MYZAP: variants seen among roughly 807,000 people sequenced by gnomAD.
MYZAP encodes the protein myocardial zonula adherens protein.
Under a neutral mutation model 69.4 loss-of-function variants are expected in MYZAP, and 66 were observed. The ratio of observed to expected loss-of-function variants is 0.95; its 90% CI spans 0.78 to 1.17. The LOEUF is 1.17. Ranked by LOEUF, MYZAP falls within the 50% of genes most tolerant of loss-of-function variation. The probability of loss-of-function intolerance (pLI) is 0.00; values close to 1 mark genes in which losing one functional copy is unlikely to be tolerated. For synonymous variants in MYZAP, 256 were observed against 205.9 expected (o/e 1.24, Z -2.09); for missense variants, 611 against 556.2 (o/e 1.10, Z -0.99).
In MYZAP at chr15:57,633,783, T is replaced by G. The variant is rs140373684; in HGVS notation, c.933+42T>G. The G allele has an allele frequency of 1.5e-3, 2,216 of 1,475,740 alleles. 22 individuals are homozygous for G. In the African/African-American group the frequency reaches 0.027, roughly 18 times the overall value. 91.4% of individuals were successfully genotyped at this position (1,475,740 alleles called of 1,614,324 possible). On this transcript the variant is annotated intron_variant, in intron 8 of 12. Transcript: ENST00000267853. Reference sequence around the variant, plus strand: ...GGCCTATTGCCCACTTGCCCAAACTTTTCCCTGTAGGTCCATCTGAGATAC... The same window carrying G: ...GGCCTATTGCCCACTTGCCCAAACTGTTCCCTGTAGGTCCATCTGAGATAC...
In MYZAP at chr15:57,633,678, C is replaced by G; in HGVS notation, c.870C>G (p.Ile290Met). ...EANKKMQAAE[I>M]SLEEKDQRIG... The stretch of plus-strand genomic sequence containing the variant: ...ATAAAAAGATGCAAGCAGCAGAGAT[C>G]AGCCTAGAGGAGAAAGACCAGAGGA... Residue 290 changes from isoleucine (I) to methionine (M), a missense_variant, in exon 8 of 13, where the codon ATC becomes ATG. Transcript: ENST00000267853. 6.2e-7 allele frequency: 1 copy of G among 1,613,358 alleles called. No individual in the cohort carries two copies. The highest frequency in any genetic ancestry group is 8.5e-7 in the Non-Finnish European group (1 of 1,179,704).
intron 10 of MYZAP, chr15:57,646,316 AG>A: frequency 8.3e-7 from 1 of 1,211,862 alleles, no homozygotes; most frequent in Non-Finnish European, 1.0e-6. Context: ...CAAAACAGGA[AG>A]GACATATTAT....
chr15:57,646,048 A>G (rs1381983104), intron 10 of MYZAP: 19 of 737,536 alleles, frequency 2.6e-5, no homozygotes, highest in Non-Finnish European at 1.0e-5. Context: ...AGTACTTCTC[A>G]TAATTGGTAA....
At chr15:57,635,545 A>G (rs924996187) in intron 8 of MYZAP, among the ~76,000 whole-genome samples, 1 of 152,228 alleles carries the variant, frequency 6.6e-6, no homozygotes, top group Non-Finnish European at 1.5e-5. Flanking sequence ...AGGAAACACA[A>G]AACCTTCCCC....
chr15:57,610,537 A>G (rs772333289), intron 2 of MYZAP, among the ~76,000 whole-genome samples: 23 of 152,188 alleles, frequency 1.5e-4, no homozygotes, highest in Non-Finnish European at 2.9e-4. Flanking sequence ...CTAGAGTTTG[A>G]GTCCCGGCTT....
intron 10 of MYZAP, among the ~76,000 whole-genome samples, chr15:57,641,608 A>G (rs1302575237): frequency 1.3e-5 from 2 of 152,178 alleles, no homozygotes; most frequent in Non-Finnish European, 2.9e-5. Flanking sequence ...AGCACCCCCT[A>G]GGGGCTGGCT....
intron 2 of MYZAP, among the ~76,000 whole-genome samples, chr15:57,608,058 C>CCAG (rs2034869389): frequency 6.6e-6 from 1 of 152,176 alleles, no homozygotes; most frequent in Non-Finnish European, 1.5e-5. Context: ...TGTGCAAAGG[C>CCAG]CAGGGGATTG....
At chr15:57,641,560 A>G (rs1463838457) in intron 10 of MYZAP, among the ~76,000 whole-genome samples, 7 of 152,196 alleles carry the variant, frequency 4.6e-5, no homozygotes, top group African/African-American at 1.4e-4. Context: ...GTCGTTGGAA[A>G]GAAATCACCA....
intron 10 of MYZAP, among the ~76,000 whole-genome samples, chr15:57,650,818 A>T (rs2037688105): frequency 6.6e-6 from 1 of 152,192 alleles, no homozygotes; most frequent in Admixed American, 6.5e-5. Flanking sequence ...GTCAGACAAG[A>T]TATAGAATAA....
chr15:57,652,959 C>T (rs2037802388), intron 10 of MYZAP, among the ~76,000 whole-genome samples: 1 of 152,086 alleles, frequency 6.6e-6, no homozygotes, highest in African/African-American at 2.4e-5. Flanking sequence ...CTAGTAATCT[C>T]GTTTTGATTA....
At chr15:57,657,248 C>A (rs11071337) in intron 10 of MYZAP, among the ~76,000 whole-genome samples, 75,928 of 151,944 alleles carry the variant, frequency 0.5, 19,702 homozygotes, top group East Asian at 0.86. Context: ...AATATTACCC[C>A]TGACTTTCTT....
At chr15:57,618,497 A>G (rs1266643459) in intron 3 of MYZAP, among the ~76,000 whole-genome samples, 1 of 152,160 alleles carries the variant, frequency 6.6e-6, no homozygotes, top group Non-Finnish European at 1.5e-5. Flanking sequence ...TATTGCACTT[A>G]CCAGTCCCAC....
At chr15:57,663,349 A>T (rs1213736652) in intron 11 of MYZAP, among the ~76,000 whole-genome samples, 1 of 152,138 alleles carries the variant, frequency 6.6e-6, no homozygotes, top group African/African-American at 2.4e-5. Context: ...CTCATGTCTC[A>T]CCTTAGTTTG....
At position 57,633,626 on chromosome 15, in the gene MYZAP, G is replaced by T. The variant is rs201828277; in HGVS notation, c.818G>T (p.Ser273Ile). Reference protein sequence around the residue: ...EKEALLEETNSFLKAIEEANK... With the variant: ...EKEALLEETNIFLKAIEEANK... ...TTTCTTTTGCAGGAAGAAACCAATAGTTTTCTGAAAGCGATTGAAGAAGCC... is the reference window on the plus strand; with the variant it reads ...TTTCTTTTGCAGGAAGAAACCAATATTTTTCTGAAAGCGATTGAAGAAGCC... The change falls in exon 8 of 13, where the codon AGT becomes ATT. Residue 273 changes from serine (S) to isoleucine (I), a missense_variant. Coordinates refer to ENST00000267853, the MANE Select transcript of MYZAP (RefSeq NM_001018100.5). The T allele has an allele frequency of 6.6e-5, 107 of 1,613,004 alleles. 1 individual carries two copies. In the East Asian group the frequency reaches 2.2e-3, roughly 33 times the overall value.
chr15:57,673,187 C>T (rs1416217390), intron 11 of MYZAP, among the ~76,000 whole-genome samples: 1 of 152,084 alleles, frequency 6.6e-6, no homozygotes, highest in Non-Finnish European at 1.5e-5. Context: ...GTCATTTGTC[C>T]TCCATTCACT....
intron 2 of MYZAP, among the ~76,000 whole-genome samples, chr15:57,615,973 A>AAAAG (rs2035412202): frequency 7.9e-5 from 12 of 152,224 alleles, no homozygotes; most frequent in Admixed American, 5.9e-4. Context: ...AAAACAAAAA[A>AAAAG]CAAGCAATAT....
chr15:57,666,317 C>A (rs2038566269), intron 11 of MYZAP, among the ~76,000 whole-genome samples: 1 of 152,182 alleles, frequency 6.6e-6, no homozygotes, highest in Non-Finnish European at 1.5e-5. Context: ...TAAGGGAACA[C>A]CCTCTACCTG....
intron 11 of MYZAP, among the ~76,000 whole-genome samples, chr15:57,670,690 T>C (rs1480740231): frequency 6.6e-6 from 1 of 152,102 alleles, no homozygotes; most frequent in African/African-American, 2.4e-5. Flanking sequence ...TTGTTCTCCT[T>C]TTTGCCTTTT....
intron 1 of MYZAP, among the ~76,000 whole-genome samples, chr15:57,594,194 C>T (rs560848318): frequency 6.6e-6 from 1 of 152,340 alleles, no homozygotes; most frequent in East Asian, 1.9e-4. Context: ...CGGCTCACTG[C>T]AGCCTCCACC....
Sources: allele counts gnomAD v4.1 joint callset (sites outside exome capture counted in the v4.1 genomes callset), GRCh38; gene constraint gnomAD v4.1.1; transcripts MANE v1.5; gene names NCBI Gene and HGNC (gene_info 2026-07-23, HGNC 2026-07-21).